ARHGAP17: variants seen among roughly 807,000 people sequenced by gnomAD.
ARHGAP17 encodes the protein Rho GTPase activating protein 17.
ARHGAP17 carries 57 observed loss-of-function variants against 99.5 expected under a neutral mutation model. The observed-to-expected ratio is 0.57, with a 90% CI of 0.46 to 0.71. ARHGAP17 has a LOEUF of 0.71. Among genes scored for constraint, ARHGAP17 ranks in the 30% least tolerant of loss-of-function variants. ARHGAP17 has a pLI of 0.00. For synonymous variants in ARHGAP17, 417 were observed against 429.6 expected (o/e 0.97, Z 0.36); for missense variants, 1,000 against 1,122.4 (o/e 0.89, Z 1.56).
At chr16:24,992,068 G>A (rs188512224) in intron 1 of ARHGAP17, among the ~76,000 whole-genome samples, 13 of 152,306 alleles carry the variant, frequency 8.5e-5, no homozygotes, top group Admixed American at 5.2e-4. Context: ...GGGGAGGAGT[G>A]TGTACATAGT....
In ARHGAP17 at chr16:25,007,905, A is replaced by T. The variant is rs148834803; in HGVS notation, c.53+7304T>A. ...TTCACCATGGCAACAAGTGGCTAGA[A>T]CTGAAGAGCAGCTCTCCCCTTTGAA... On this transcript the variant is annotated intron_variant, in intron 1 of 19. Coordinates refer to ENST00000289968, the MANE Select transcript of ARHGAP17 (RefSeq NM_001006634.3). 3.8e-3 allele frequency among the ~76,000 whole-genome samples: 578 copies of T among 152,300 alleles called. 3 individuals are homozygous for T. The highest frequency in any genetic ancestry group is 0.013 in the African/African-American group (549 of 41,562).
intron 13 of ARHGAP17, chr16:24,948,898 C>G (rs1055775136): frequency 2.0e-5 from 3 of 152,010 alleles, no homozygotes; most frequent in African/African-American, 7.2e-5. Context: ...AAAAGGAAAA[C>G]AGAAGTTACA....
intron 9 of ARHGAP17, 33 bp from the exon 10 acceptor site, chr16:24,954,763 A>G (rs762265747): frequency 1.6e-5 from 25 of 1,610,124 alleles, no homozygotes; most frequent in African/African-American, 8.0e-5. Flanking sequence ...TAGACACCCA[A>G]CAAACTCACG....
chr16:24,989,309 T>C (rs1402579138), intron 1 of ARHGAP17, among the ~76,000 whole-genome samples: 1 of 152,202 alleles, frequency 6.6e-6, no homozygotes, highest in Admixed American at 6.5e-5. Flanking sequence ...AAACAGGTTG[T>C]AAATGTTAAG....
chr16:24,983,628 T>C (rs574024848), intron 1 of ARHGAP17, among the ~76,000 whole-genome samples: 3 of 152,202 alleles, frequency 2.0e-5, no homozygotes, highest in Admixed American at 6.5e-5. Context: ...TTTTGCTCCA[T>C]GTTCCTAAAC....
chr16:24,968,058 C>CT (rs2052244167), intron 6 of ARHGAP17, among the ~76,000 whole-genome samples: 2 of 152,238 alleles, frequency 1.3e-5, no homozygotes, highest in Admixed American at 6.5e-5. Flanking sequence ...TTCCTACACT[C>CT]TGAGTTGTGC....
At chr16:24,969,310 C>T (rs555553166) in intron 4 of ARHGAP17, among the ~76,000 whole-genome samples, 4 of 152,240 alleles carry the variant, frequency 2.6e-5, no homozygotes, top group African/African-American at 9.6e-5. Flanking sequence ...TCTATCCCTC[C>T]CTCCTCCCTC....
chr16:24,949,297 G>T, intron 13 of ARHGAP17, 107 bp downstream of exon 13: 5 of 778,086 alleles, frequency 6.4e-6, no homozygotes, highest in African/African-American at 1.8e-5. Flanking sequence ...TTTTTTTGTT[G>T]TTGTTGTTGT....
chr16:24,938,295 C>T (rs752568784), intron 17 of ARHGAP17, among the ~76,000 whole-genome samples: 2 of 151,622 alleles, frequency 1.3e-5, no homozygotes, highest in South Asian at 2.1e-4. Flanking sequence ...ACCCGGGAGA[C>T]GGAGGTTGCA....
chr16:24,947,355 T>G, intron 14 of ARHGAP17, 127 bp downstream of exon 14: 32 of 833,328 alleles, frequency 3.8e-5, no homozygotes, highest in Non-Finnish European at 5.6e-5. Flanking sequence ...ATAGGCTGAA[T>G]GAGAAAACCA....
In ARHGAP17 at chr16:24,968,711, C is replaced by T. The variant is rs757526992; in HGVS notation, c.334G>A (p.Glu112Lys). Reference protein sequence around the residue: ...NQLALELSQHEVFVEKEIVDP... With the variant: ...NQLALELSQHKVFVEKEIVDP... ...ACGATCTCCTTCTCAACAAAGACTTCGTGCTGGGAGAGCTCGAGAGCCAGC... is the reference window on the plus strand; with the variant it reads ...ACGATCTCCTTCTCAACAAAGACTTTGTGCTGGGAGAGCTCGAGAGCCAGC... Residue 112 changes from glutamate to lysine, a missense_variant, in exon 5 of 20, where the codon GAA becomes AAA. Coordinates refer to ENST00000289968, the MANE Select transcript of ARHGAP17 (RefSeq NM_001006634.3). The T allele has an allele frequency of 1.2e-5, 19 of 1,614,114 alleles. No individual in the cohort carries two copies. The highest frequency in any genetic ancestry group is 2.2e-5 in the South Asian group (2 of 91,094).
In ARHGAP17 at chr16:24,953,028, A is replaced by G. The variant is rs1201215903; in HGVS notation, c.867T>C (p.Ile289=). The G allele has an allele frequency of 6.2e-7, 1 of 1,614,168 alleles. No homozygotes were observed. Among genetic ancestry groups the G allele is most frequent in the East Asian group, 2.2e-5 (1 of 44,876 alleles). Residue 289 remains isoleucine, a synonymous_variant, in exon 11 of 20, where the codon ATT becomes ATC. Coordinates refer to ENST00000289968, the MANE Select transcript of ARHGAP17 (RefSeq NM_001006634.3). ...TCTTTAACTTGGAGGCCCCAGCCCC[A>G]ATTCGGAAAAGGCCCTAAAGATAAT... is the stretch of plus-strand genomic sequence containing the variant. ...TGMKEEGLFR[I]GAGASKLKKL...
At chr16:24,996,826 C>G (rs2053205491) in intron 1 of ARHGAP17, among the ~76,000 whole-genome samples, 1 of 151,964 alleles carries the variant, frequency 6.6e-6, no homozygotes, top group Non-Finnish European at 1.5e-5. Flanking sequence ...TGGCTCACAC[C>G]TGTAATCCCA....
At chr16:24,920,379 G>C in intron 19 of ARHGAP17, 119 bp from the exon 20 acceptor site, 1 of 1,302,604 alleles carries the variant, frequency 7.7e-7, no homozygotes, top group African/African-American at 1.5e-5. Context: ...TGCACACAGG[G>C]TCCCTTGCGA....
chr16:24,951,636 A>G (rs2051647821), intron 12 of ARHGAP17, among the ~76,000 whole-genome samples: 1 of 152,182 alleles, frequency 6.6e-6, no homozygotes, highest in African/African-American at 2.4e-5. Flanking sequence ...GAAGACCTTT[A>G]AGATGATCCA....
intron 10 of ARHGAP17, among the ~76,000 whole-genome samples, 196 bp from the exon 11 acceptor site, chr16:24,953,238 G>A (rs561783009): frequency 6.6e-6 from 1 of 152,256 alleles, no homozygotes; most frequent in Non-Finnish European, 1.5e-5. Context: ...CAGGCAGGAA[G>A]AAAATTAATC....
chr16:24,929,157 T>TC (rs1019497306), intron 19 of ARHGAP17, among the ~76,000 whole-genome samples: 5 of 150,536 alleles, frequency 3.3e-5, no homozygotes, highest in African/African-American at 9.7e-5. Context: ...GATATTCCTT[T>TC]TTTTTTTTTT....
intron 1 of ARHGAP17, among the ~76,000 whole-genome samples, chr16:24,990,771 CT>C (rs11371621): frequency 3.3e-3 from 446 of 135,200 alleles, no homozygotes; most frequent in South Asian, 0.02. Context: ...TGGGGCTTGG[CT>C]TTTTTTTTTT....
At chr16:24,984,181 A>G (rs1177943813) in intron 1 of ARHGAP17, among the ~76,000 whole-genome samples, 2 of 152,166 alleles carry the variant, frequency 1.3e-5, no homozygotes, top group Non-Finnish European at 2.9e-5. Flanking sequence ...AACATGTACT[A>G]TGGGAGCCAG....
Sources: gnomAD v4.1 joint callset for allele counts (sites outside exome capture counted in the v4.1 genomes callset) on GRCh38, gnomAD v4.1.1 for gene constraint, MANE v1.5 for transcripts, NCBI Gene and HGNC (gene_info 2026-07-23, HGNC 2026-07-21) for gene names.